KALRN: variants seen among roughly 807,000 people sequenced by gnomAD.
KALRN encodes the protein kalirin RhoGEF kinase, also known as kalirin.
Under a neutral mutation model 353.7 loss-of-function variants are expected in KALRN, and 70 were observed. The observed-to-expected ratio is 0.20, with a 90% CI of 0.16 to 0.24. The LOEUF (loss-of-function observed/expected upper bound fraction) is 0.24, where lower values mean the gene tolerates loss of function less well. Ranked by LOEUF, KALRN falls within the 10% of genes least tolerant of loss-of-function variation. KALRN has a pLI of 1.00. For missense variants in KALRN, 2,791 were observed against 3,756.7 expected (o/e 0.74, Z 6.72); for synonymous variants, 1,391 against 1,434.8 (o/e 0.97, Z 0.69).
intron 1 of KALRN, among the ~76,000 whole-genome samples, chr3:124,110,557 C>G (rs2062867614): frequency 6.6e-6 from 1 of 151,216 alleles, no homozygotes; most frequent in African/African-American, 2.4e-5. Flanking sequence ...CCTGATGATC[C>G]TTCTTCATGG....
intron 10 of KALRN, among the ~76,000 whole-genome samples, chr3:124,359,662 A>C (rs186098351): frequency 1.3e-5 from 2 of 152,322 alleles, no homozygotes; most frequent in Admixed American, 1.3e-4. Context: ...ACCTACCCTG[A>C]AGAGTGATGT....
intron 34 of KALRN, among the ~76,000 whole-genome samples, chr3:124,583,148 C>T (rs1290205000): frequency 6.6e-6 from 1 of 152,166 alleles, no homozygotes; most frequent in African/African-American, 2.4e-5. Context: ...GCCCCAAATC[C>T]TGGTAACTTT....
At chr3:124,161,056 A>G (rs1353314081) in intron 1 of KALRN, among the ~76,000 whole-genome samples, 1 of 152,190 alleles carries the variant, frequency 6.6e-6, no homozygotes, top group East Asian at 1.9e-4. Context: ...TGATGGTTGC[A>G]CAACAATGTG....
At chr3:124,584,524 C>T (rs900659805) in intron 34 of KALRN, 8 of 898,464 alleles carry the variant, frequency 8.9e-6, no homozygotes, top group African/African-American at 5.4e-5. Flanking sequence ...GTGCCCACAG[C>T]GTTGGTGCCA....
intron 1 of KALRN, among the ~76,000 whole-genome samples, chr3:124,176,348 C>T (rs186564131): frequency 5.3e-5 from 8 of 152,258 alleles, no homozygotes; most frequent in Middle Eastern, 3.4e-3. Context: ...GTAATATCCA[C>T]GCAGATTACC....
At chr3:124,637,446 T>C (rs1336015595) in intron 37 of KALRN, 143 bp downstream of exon 37, 7 of 672,660 alleles carry the variant, frequency 1.0e-5, no homozygotes, top group Non-Finnish European at 1.9e-5. Context: ...TAAAAAGCTG[T>C]ACCCCAGAGT....
Position 124,152,205 on chromosome 3 carries a change from A to G in KALRN, c.74-75785A>G, listed in dbSNP as rs991801623. 5 of 1,582,178 alleles carry G rather than the reference A, an allele frequency of 3.2e-6. No individual in the cohort carries two copies. In the African/African-American group the frequency reaches 6.7e-5, roughly 21 times the overall value. Reference sequence around the variant, plus strand: ...TATCTGTCAAAGCAATTCGCTTCTTATTGATTTTGCCATAACCACGCTTGT... The same window carrying G: ...TATCTGTCAAAGCAATTCGCTTCTTGTTGATTTTGCCATAACCACGCTTGT... On this transcript the variant is annotated intron_variant, in intron 1 of 59. Coordinates refer to ENST00000682506, the MANE Select transcript of KALRN (RefSeq NM_001388419.1).
chr3:124,639,659 A>G (rs1166539824), intron 37 of KALRN, among the ~76,000 whole-genome samples: 1 of 152,198 alleles, frequency 6.6e-6, no homozygotes, highest in Non-Finnish European at 1.5e-5. Context: ...TCTAGAGAAG[A>G]GGGGATGTGG....
At chr3:124,320,095 A>G (rs1048974869) in intron 6 of KALRN, among the ~76,000 whole-genome samples, 2 of 152,086 alleles carry the variant, frequency 1.3e-5, no homozygotes, top group Non-Finnish European at 2.9e-5. Flanking sequence ...TACTGTTTAT[A>G]TTTTGTATTA....
chr3:124,698,540 C>T (rs780633331), intron 55 of KALRN, among the ~76,000 whole-genome samples: 1 of 152,196 alleles, frequency 6.6e-6, no homozygotes, highest in African/African-American at 2.4e-5. Flanking sequence ...TTAACATGCT[C>T]GATCACCCAG....
intron 58 of KALRN, among the ~76,000 whole-genome samples, chr3:124,716,292 G>C (rs947352741): frequency 6.6e-6 from 1 of 152,244 alleles, no homozygotes; most frequent in Non-Finnish European, 1.5e-5. Flanking sequence ...GGGAGGCCCA[G>C]GCGGGTGGAT....
At chr3:124,387,679 T>A (rs1365426712) in intron 11 of KALRN, among the ~76,000 whole-genome samples, 2 of 152,174 alleles carry the variant, frequency 1.3e-5, no homozygotes, top group African/African-American at 4.8e-5. Context: ...AATTGCATAG[T>A]CTCTTTCTCC....
intron 1 of KALRN, among the ~76,000 whole-genome samples, chr3:124,042,312 G>T (rs1009817266): frequency 1.8e-4 from 28 of 152,204 alleles, no homozygotes; most frequent in African/African-American, 6.5e-4. Context: ...CCTACATCAT[G>T]AAGGCATTGA....
Position 124,051,228 on chromosome 3 carries a change from G to A in KALRN, c.73+17415G>A, listed in dbSNP as rs77660127. On this transcript the variant is annotated intron_variant, in intron 1 of 59. Coordinates refer to ENST00000682506, the MANE Select transcript of KALRN (RefSeq NM_001388419.1). ...CGCAGTCTCTGTCTTCAAGGAGCTC[G>A]TGGTTTTAGGAGAATGATGGAGTGA... 4.7e-3 allele frequency among the ~76,000 whole-genome samples: 718 copies of A among 152,324 alleles called. 30 individuals carry two copies. In the East Asian group the frequency reaches 0.11, roughly 23 times the overall value.
intron 34 of KALRN, among the ~76,000 whole-genome samples, chr3:124,580,877 G>C (rs1347406950): frequency 6.6e-6 from 1 of 151,892 alleles, no homozygotes; most frequent in Admixed American, 6.6e-5. Context: ...GGAGGCCGAG[G>C]GGGGCAGATC....
At chr3:124,618,352 T>G (rs1421186118) in intron 34 of KALRN, among the ~76,000 whole-genome samples, 3 of 151,570 alleles carry the variant, frequency 2.0e-5, no homozygotes, top group African/African-American at 7.3e-5. Context: ...CTTGACTTCA[T>G]GATCCGCCCA....
At chr3:124,139,186 C>G (rs1424257399) in intron 1 of KALRN, among the ~76,000 whole-genome samples, 1 of 152,060 alleles carries the variant, frequency 6.6e-6, no homozygotes, top group African/African-American at 2.4e-5. Flanking sequence ...AACCATATCT[C>G]CTTGGATGCA....
chr3:124,036,174 A>G (rs910307704), intron 1 of KALRN, among the ~76,000 whole-genome samples: 5 of 152,218 alleles, frequency 3.3e-5, no homozygotes, highest in African/African-American at 9.6e-5. Context: ...GGTAATAAGC[A>G]TAGTACCTGA....
At chr3:124,370,242 A>G (rs1388890992) in intron 10 of KALRN, among the ~76,000 whole-genome samples, 1 of 152,066 alleles carries the variant, frequency 6.6e-6, no homozygotes, top group Non-Finnish European at 1.5e-5. Flanking sequence ...TTTTATGATC[A>G]GGATACAAAA....
Sources: gnomAD v4.1 joint callset for allele counts (sites outside exome capture counted in the v4.1 genomes callset) on GRCh38, gnomAD v4.1.1 for gene constraint, MANE v1.5 for transcripts, NCBI Gene and HGNC (gene_info 2026-07-23, HGNC 2026-07-21) for gene names.